CFAP52: variants seen among roughly 807,000 people sequenced by gnomAD.
CFAP52 encodes cilia- and flagella-associated protein 52.
Under a neutral mutation model 70.5 loss-of-function variants are expected in CFAP52, and 57 were observed. The ratio of observed to expected loss-of-function variants is 0.81; its 90% CI spans 0.65 to 1.01. The LOEUF (loss-of-function observed/expected upper bound fraction) is 1.01, where lower values mean the gene tolerates loss of function less well. Ranked by LOEUF, CFAP52 falls within the 50% of genes least tolerant of loss-of-function variation. The pLI, the probability that CFAP52 is intolerant of heterozygous loss-of-function variation, is 0.00. For missense variants in CFAP52, 785 were observed against 788.5 expected (o/e 1.00, Z 0.05); for synonymous variants, 267 against 292.5 (o/e 0.91, Z 0.89).
intron 7 of CFAP52, 106 bp from the exon 8 acceptor site, chr17:9,612,201 CGT>C: frequency 7.3e-7 from 1 of 1,366,434 alleles, no homozygotes; most frequent in Non-Finnish European, 1.0e-6. Context: ...TCTGTGAGGG[CGT>C]GTCTGAAATT....
chr17:9,630,266 A>G (rs1390702795), intron 9 of CFAP52, among the ~76,000 whole-genome samples: 2 of 151,314 alleles, frequency 1.3e-5, no homozygotes, highest in Non-Finnish European at 2.9e-5. Context: ...AGAAGCCAGA[A>G]GCCAGAGGTC....
At chr17:9,625,155 G>C (rs1340430125) in intron 8 of CFAP52, among the ~76,000 whole-genome samples, 1 of 151,802 alleles carries the variant, frequency 6.6e-6, no homozygotes, top group African/African-American at 2.4e-5. Flanking sequence ...CTCTCAGATT[G>C]ACCCCATGTA....
chr17:9,600,012 A>G, intron 5 of CFAP52, 55 bp from the exon 6 acceptor site: 1 of 1,506,506 alleles, frequency 6.6e-7, no homozygotes, highest in South Asian at 1.1e-5. Context: ...AAGTGCTGAT[A>G]TTACAGGCGT....
chr17:9,596,059 GTATATATATATATATATATATA>G (rs796314327), intron 4 of CFAP52, among the ~76,000 whole-genome samples: 28 of 85,212 alleles, frequency 3.3e-4, no homozygotes, highest in Admixed American at 2.8e-3. Flanking sequence ...ATATGTGTGT[GTATATATATATATATATATATA>G]TATATATATA....
At chr17:9,634,389 A>C (rs1298566709) in intron 10 of CFAP52, among the ~76,000 whole-genome samples, 1 of 152,176 alleles carries the variant, frequency 6.6e-6, no homozygotes, top group Non-Finnish European at 1.5e-5. Flanking sequence ...TCACGCCTGT[A>C]ATCTCAGCAC....
At chr17:9,608,899 G>A (rs112518826) in intron 7 of CFAP52, among the ~76,000 whole-genome samples, 2 of 152,254 alleles carry the variant, frequency 1.3e-5, no homozygotes, top group East Asian at 3.9e-4. Flanking sequence ...ATGTACACAC[G>A]AAAGAAGTCA....
intron 11 of CFAP52, among the ~76,000 whole-genome samples, chr17:9,636,262 A>G (rs1485884758): frequency 6.6e-6 from 1 of 152,056 alleles, no homozygotes. Flanking sequence ...AGAAAGAAAA[A>G]TAACTAATGC....
chr17:9,584,814 G>C (rs1908382986), intron 1 of CFAP52, among the ~76,000 whole-genome samples: 1 of 151,840 alleles, frequency 6.6e-6, no homozygotes, highest in East Asian at 1.9e-4. Context: ...GTAGAGACCG[G>C]GTTTCACCAT....
At chr17:9,609,385 G>A (rs997725063) in intron 7 of CFAP52, among the ~76,000 whole-genome samples, 4 of 152,160 alleles carry the variant, frequency 2.6e-5, no homozygotes, top group Non-Finnish European at 5.9e-5. Context: ...GCAGAGTAAG[G>A]GGATTATGGT....
chr17:9,580,972 T>C (rs562148830), intron 1 of CFAP52, among the ~76,000 whole-genome samples: 2 of 152,286 alleles, frequency 1.3e-5, no homozygotes, highest in African/African-American at 2.4e-5. Flanking sequence ...TTGTCTATAA[T>C]AGCTGAAACA....
At chr17:9,594,897 T>TTC (rs1908930101) in intron 4 of CFAP52, among the ~76,000 whole-genome samples, 1 of 150,202 alleles carries the variant, frequency 6.7e-6, no homozygotes, top group African/African-American at 2.4e-5. Context: ...GGGAGGGTTT[T>TTC]TTTTTTTTTT....
chr17:9,607,670 G>C (rs1474148419), intron 6 of CFAP52, among the ~76,000 whole-genome samples: 2 of 152,240 alleles, frequency 1.3e-5, no homozygotes, highest in Non-Finnish European at 2.9e-5. Flanking sequence ...TGGCAGCTGA[G>C]AGACTAGCAT....
rs923945829 is a variant in CFAP52 at position 9,632,963 on chromosome 17, G to C, written c.1250G>C (p.Arg417Thr). 6.2e-7 allele frequency: 1 copy of C among 1,614,108 alleles called. No individual in the cohort carries two copies. Among genetic ancestry groups the C allele is most frequent in the Non-Finnish European group, 8.5e-7 (1 of 1,180,058 alleles). The part of the protein sequence containing the change: ...RLMYVINNAH[R>T]IGVTAIATTS... ...ATGTATGTCATTAACAATGCTCACA[G>C]GATCGGCGTCACCGCCATCGCCACC... The change falls in exon 10 of 14, where the codon AGG becomes ACG. Residue 417 changes from arginine to threonine, a missense_variant. Coordinates refer to ENST00000352665, the MANE Select transcript of CFAP52 (RefSeq NM_145054.5).
At chr17:9,597,009 C>T (rs1365898168) in intron 4 of CFAP52, among the ~76,000 whole-genome samples, 4 of 152,122 alleles carry the variant, frequency 2.6e-5, no homozygotes, top group African/African-American at 9.7e-5. Flanking sequence ...TGAGCCACTG[C>T]GCCTGGCCCT....
chr17:9,606,813 T>G (rs888661491), intron 6 of CFAP52, among the ~76,000 whole-genome samples: 3 of 152,194 alleles, frequency 2.0e-5, no homozygotes, highest in Admixed American at 6.5e-5. Context: ...CCTGTTGTCC[T>G]GCTGAGGCAC....
intron 4 of CFAP52, among the ~76,000 whole-genome samples, chr17:9,597,188 A>G (rs1482999312): frequency 2.0e-5 from 3 of 152,178 alleles, no homozygotes; most frequent in Non-Finnish European, 2.9e-5. Flanking sequence ...GCCTTATTTC[A>G]CTTAACATAA....
downstream of CFAP52, chr17:9,645,370 G>A (rs1041497924): frequency 3.9e-6 from 1 of 254,666 alleles, no homozygotes; most frequent in Non-Finnish European, 7.4e-6. This position sits in a 1 kb window ranked among gnomAD's most constrained non-coding sequence, Gnocchi z 6.8. Flanking sequence ...ATCCGACCAC[G>A]AAGACTCCCA....
At chr17:9,612,531 G>A in intron 8 of CFAP52, 52 bp downstream of exon 8, 1 of 1,544,012 alleles carries the variant, frequency 6.5e-7, no homozygotes, top group Non-Finnish European at 8.7e-7. Flanking sequence ...GTGTGCCAGG[G>A]CATTTAATTT....
chr17:9,580,935 T>C (rs971417388), intron 1 of CFAP52, among the ~76,000 whole-genome samples: 1 of 152,200 alleles, frequency 6.6e-6, no homozygotes, highest in Non-Finnish European at 1.5e-5. Context: ...TTCAAAAAAT[T>C]TACGTGCAAT....
Sources: allele counts gnomAD v4.1 joint callset (sites outside exome capture counted in the v4.1 genomes callset), GRCh38; gene constraint gnomAD v4.1.1; non-coding constraint Gnocchi (gnomAD v3.1); transcripts MANE v1.5; gene names NCBI Gene and HGNC (gene_info 2026-07-23, HGNC 2026-07-21).